PIK3AP1: variants seen among roughly 807,000 people sequenced by gnomAD.
PIK3AP1 encodes the protein phosphoinositide-3-kinase adaptor protein 1, also known as phosphoinositide 3-kinase adapter protein 1.
Under a neutral mutation model 88.1 loss-of-function variants are expected in PIK3AP1, and 21 were observed. The ratio of observed to expected loss-of-function variants is 0.24; its 90% confidence interval spans 0.17 to 0.34. The LOEUF is 0.34. Among genes scored for constraint, PIK3AP1 ranks in the 10% least tolerant of loss-of-function variants. The probability of loss-of-function intolerance (pLI) is 1.00; values close to 1 mark genes in which losing one functional copy is unlikely to be tolerated. For missense variants in PIK3AP1, 828 were observed against 1,035.7 expected (o/e 0.80, Z 2.75); for synonymous variants, 398 against 400.0 (o/e 1.00, Z 0.06).
intron 1 of PIK3AP1, among the ~76,000 whole-genome samples, chr10:96,715,858 C>G (rs1346860109): frequency 2.0e-5 from 3 of 150,814 alleles, no homozygotes; most frequent in African/African-American, 7.3e-5. Context: ...CCACTGCACT[C>G]CAGCCTGGGC....
At chr10:96,632,761 C>A in intron 8 of PIK3AP1, 1 of 1,163,018 alleles carries the variant, frequency 8.6e-7, no homozygotes, top group Non-Finnish European at 1.2e-6. Flanking sequence ...TGATTAGAAG[C>A]GTGGGCATTA....
chr10:96,614,832 G>T (rs1271012329), intron 13 of PIK3AP1, among the ~76,000 whole-genome samples: 4 of 152,196 alleles, frequency 2.6e-5, no homozygotes, highest in African/African-American at 9.6e-5. Context: ...TCACTGTACT[G>T]TTCTGCACAC....
intron 6 of PIK3AP1, among the ~76,000 whole-genome samples, chr10:96,649,847 C>G (rs188472216): frequency 6.6e-6 from 1 of 152,202 alleles, no homozygotes; most frequent in African/African-American, 2.4e-5. Context: ...TGGGTCCCCA[C>G]GGACCCCCTC....
intron 1 of PIK3AP1, among the ~76,000 whole-genome samples, chr10:96,719,461 C>A (rs79381749): frequency 2.0e-5 from 3 of 152,188 alleles, no homozygotes. Flanking sequence ...TTTGTAAACA[C>A]TGTAACTCTA....
chr10:96,651,076 T>C (rs951329313), intron 6 of PIK3AP1, among the ~76,000 whole-genome samples, 172 bp downstream of exon 6: 1 of 152,190 alleles, frequency 6.6e-6, no homozygotes, highest in Admixed American at 6.5e-5. Flanking sequence ...GATTTGCAAT[T>C]GAGAAGAATG....
chr10:96,706,823 C>T (rs1844370705), intron 2 of PIK3AP1, among the ~76,000 whole-genome samples: 1 of 152,156 alleles, frequency 6.6e-6, no homozygotes, highest in Non-Finnish European at 1.5e-5. Flanking sequence ...TCAAGGCCAA[C>T]CAAGGGCCAT....
chr10:96,619,570 C>G (rs1843049046), intron 12 of PIK3AP1: 1 of 152,224 alleles, frequency 6.6e-6, no homozygotes, highest in South Asian at 2.1e-4. Flanking sequence ...GCCCCATTTC[C>G]TCCTTTTTAA....
rs1848952026 is a variant in PIK3AP1, at chr10:96,603,827, GTC to G, written c.2241+150_2241+151del. On this transcript the variant is annotated intron_variant, in intron 15 of 16. Transcript: ENST00000339364. Reference sequence around the variant, plus strand: ...GCTGGCAACCACCAATCTTCAAACTGTCTCTGTGGATTTGCCCACTCTGGCAT... The same window carrying G: ...GCTGGCAACCACCAATCTTCAAACTGTCTGTGGATTTGCCCACTCTGGCAT... The G allele has an allele frequency of 5.6e-6, 4 of 717,058 alleles. No homozygotes were observed. The South Asian group carries it at 8.0e-5, about 14-fold the overall frequency. 44.4% of individuals were successfully genotyped at this position (717,058 alleles called of 1,614,324 possible). A position where few individuals can be genotyped will look rare whatever the true frequency, so the allele number is the denominator to read the frequency against.
chr10:96,615,424 C>T (rs1849199453), intron 13 of PIK3AP1, among the ~76,000 whole-genome samples: 2 of 152,146 alleles, frequency 1.3e-5, no homozygotes, highest in South Asian at 4.1e-4. Flanking sequence ...TGAGTGACTA[C>T]TCCCTTAGTC....
chr10:96,681,716 G>A (rs1442137980), intron 2 of PIK3AP1, among the ~76,000 whole-genome samples: 1 of 152,170 alleles, frequency 6.6e-6, no homozygotes, highest in Non-Finnish European at 1.5e-5. Flanking sequence ...GGGAAGAAGA[G>A]CTGGAAGGTT....
At position 96,648,736 on chromosome 10, in the gene PIK3AP1, T is replaced by C; in HGVS notation, c.1108A>G (p.Lys370Glu). 1 of 1,611,260 alleles carries C rather than the reference T, an allele frequency of 6.2e-7. No homozygotes were observed. The highest frequency in any genetic ancestry group is 8.5e-7 in the Non-Finnish European group (1 of 1,178,960). Residue 370 changes from lysine to glutamate, a missense_variant, in exon 7 of 17, where the codon AAG becomes GAG. This residue lies in a region of PIK3AP1 where 610 missense variants were observed against 760.1 expected (regional missense o/e 0.80). Transcript: ENST00000339364. ...ATGGTGTTGGGGTAGTGGCCATGCT[T>C]GTTGGCCACGCTGTACGCCTGCAGG... Reference protein sequence around the residue: ...GALQAYSVANKHGHYPNTIAE... With the variant: ...GALQAYSVANEHGHYPNTIAE...
intron 2 of PIK3AP1, among the ~76,000 whole-genome samples, chr10:96,707,397 A>T (rs984709174): frequency 1.3e-5 from 2 of 152,116 alleles, no homozygotes; most frequent in African/African-American, 4.8e-5. Flanking sequence ...GGCTCAAGTG[A>T]TTCTTCTGCC....
At chr10:96,673,690 T>C (rs540872021) in intron 2 of PIK3AP1, among the ~76,000 whole-genome samples, 1 of 152,184 alleles carries the variant, frequency 6.6e-6, no homozygotes, top group Non-Finnish European at 1.5e-5. Context: ...CACTGATGTC[T>C]GGATTTACTG....
chr10:96,636,215 T>A (rs1274294136), intron 8 of PIK3AP1, among the ~76,000 whole-genome samples: 1 of 151,672 alleles, frequency 6.6e-6, no homozygotes. Context: ...AGACTCCGTC[T>A]CAGAAAAAAT....
intron 2 of PIK3AP1, among the ~76,000 whole-genome samples, chr10:96,674,887 G>GTGTTT (rs1406001854): frequency 4.6e-5 from 7 of 152,210 alleles, no homozygotes; most frequent in Admixed American, 1.3e-4. Context: ...AACATACAAG[G>GTGTTT]TGTTTTGTTT....
At chr10:96,698,314 G>A (rs2134280582) in intron 2 of PIK3AP1, among the ~76,000 whole-genome samples, 1 of 152,080 alleles carries the variant, frequency 6.6e-6, no homozygotes, top group African/African-American at 2.4e-5. Context: ...GGGGGGAGTG[G>A]GAAGGAAAAA....
At chr10:96,603,064 ACT>A (rs1332845641) in intron 15 of PIK3AP1, among the ~76,000 whole-genome samples, 10 of 151,954 alleles carry the variant, frequency 6.6e-5, no homozygotes, top group African/African-American at 2.4e-4. Flanking sequence ...ATCCCCTGAG[ACT>A]CACCTGCTCC....
chr10:96,687,733 C>T (rs899830131), intron 2 of PIK3AP1, among the ~76,000 whole-genome samples: 3 of 152,302 alleles, frequency 2.0e-5, no homozygotes, highest in Admixed American at 6.5e-5. Flanking sequence ...CATTAAAGAC[C>T]TTGTGCACTA....
chr10:96,652,543 A>C (rs1589516491), intron 4 of PIK3AP1, among the ~76,000 whole-genome samples, 155 bp downstream of exon 4: 1 of 152,090 alleles, frequency 6.6e-6, no homozygotes, highest in Non-Finnish European at 1.5e-5. Context: ...ACTGCACTCC[A>C]GCCTGGGAGA....
Sources: gnomAD v4.1 joint callset for allele counts (sites outside exome capture counted in the v4.1 genomes callset) on GRCh38, gnomAD v4.1.1 for gene constraint, gnomAD v4.1.1 regional missense constraint, MANE v1.5 for transcripts, NCBI Gene and HGNC (gene_info 2026-07-23, HGNC 2026-07-21) for gene names.